The following USP32 variants were observed in gnomAD, a reference collection of about 807,000 sequenced individuals.
The protein encoded by USP32 is ubiquitin specific peptidase 32.
USP32 carries 59 observed loss-of-function variants against 204.8 expected under a neutral mutation model. The ratio of observed to expected loss-of-function variants is 0.29; its 90% CI spans 0.23 to 0.36. The LOEUF (loss-of-function observed/expected upper bound fraction) is 0.36. USP32 is among the 10% of genes least tolerant of loss of function. USP32 has a pLI of 1.00. For missense variants in USP32, 1,160 were observed against 1,946.4 expected (o/e 0.60, Z 7.60); for synonymous variants, 517 against 678.4 (o/e 0.76, Z 3.70).
chr17:60,352,754 C>T (rs1478644154), intron 1 of USP32, among the ~76,000 whole-genome samples: 1 of 152,122 alleles, frequency 6.6e-6, no homozygotes, highest in South Asian at 2.1e-4. Flanking sequence ...CAAAAGAACT[C>T]GAAGGCACAG....
At chr17:60,249,472 C>A in intron 11 of USP32, 1 of 442,888 alleles carries the variant, frequency 2.3e-6, no homozygotes, top group Non-Finnish European at 4.0e-6. Flanking sequence ...GCTGCTTCCC[C>A]TAACCAGTAT....
chr17:60,283,679 T>A (rs917338882), intron 5 of USP32, among the ~76,000 whole-genome samples: 1 of 152,078 alleles, frequency 6.6e-6, no homozygotes, highest in Non-Finnish European at 1.5e-5. Context: ...TGCCTTTTTT[T>A]TTTTTTAATA....
chr17:60,363,989 A>G (rs910036972), intron 1 of USP32, among the ~76,000 whole-genome samples: 3 of 152,164 alleles, frequency 2.0e-5, no homozygotes, highest in African/African-American at 7.2e-5. Flanking sequence ...CCCCCAAAAC[A>G]TGCTTAATCT....
In USP32 at chr17:60,345,473, A is replaced by C. The variant is rs2088763356; in HGVS notation, c.186+8T>G. ...ACCTCAAAGGAAAACTTAGAACAAA[A>C]AGATTACCTCAGCAACCTTTGGAGG... On this transcript the variant is annotated splice_region_variant and intron_variant, in intron 2 of 33. Coordinates refer to ENST00000300896, the MANE Select transcript of USP32 (RefSeq NM_032582.4). 1 of 1,612,788 alleles carries C rather than the reference A, an allele frequency of 6.2e-7. No individual in the cohort carries two copies. Among genetic ancestry groups the C allele is most frequent in the East Asian group, 2.2e-5 (1 of 44,878 alleles).
At chr17:60,238,736 A>T (rs570534230) in intron 11 of USP32, among the ~76,000 whole-genome samples, 9 of 151,270 alleles carry the variant, frequency 5.9e-5, no homozygotes, top group Non-Finnish European at 1.0e-4. Flanking sequence ...CCCAGGAGGC[A>T]GAGTTTGCAG....
chr17:60,226,384 ATC>A (rs1024997867), intron 12 of USP32, among the ~76,000 whole-genome samples, 153 bp from the exon 13 acceptor site: 3 of 152,208 alleles, frequency 2.0e-5, no homozygotes, highest in African/African-American at 7.2e-5. Flanking sequence ...CTATATTTTA[ATC>A]TCTTTCAGGA....
intron 1 of USP32, among the ~76,000 whole-genome samples, chr17:60,400,280 A>G (rs976382610): frequency 2.6e-5 from 4 of 152,170 alleles, no homozygotes; most frequent in Admixed American, 1.3e-4. Flanking sequence ...TCCATTTAAA[A>G]AAGATATCTC....
At chr17:60,275,051 G>A (rs934643938) in intron 5 of USP32, among the ~76,000 whole-genome samples, 2 of 152,126 alleles carry the variant, frequency 1.3e-5, no homozygotes, top group Non-Finnish European at 2.9e-5. Flanking sequence ...CCCTTGATTA[G>A]AACATAAGCT....
intron 30 of USP32, 50 bp downstream of exon 30, chr17:60,185,410 T>C (rs1387492955): frequency 2.7e-6 from 4 of 1,495,458 alleles, no homozygotes; most frequent in Non-Finnish European, 2.7e-6. Flanking sequence ...TCATGTCTTC[T>C]TTCTTTTATG....
chr17:60,353,185 G>A (rs997040353), intron 1 of USP32, among the ~76,000 whole-genome samples: 1 of 152,128 alleles, frequency 6.6e-6, no homozygotes, highest in Non-Finnish European at 1.5e-5. Flanking sequence ...CATAGAAGAA[G>A]AGACACCAAA....
chr17:60,309,003 T>C (rs1386468311), intron 2 of USP32, among the ~76,000 whole-genome samples: 4 of 152,120 alleles, frequency 2.6e-5, no homozygotes, highest in Non-Finnish European at 5.9e-5. Flanking sequence ...ACTGAAGACC[T>C]AAATCCAAAC....
At chr17:60,319,511 C>T (rs111297286) in intron 2 of USP32, among the ~76,000 whole-genome samples, 3,274 of 152,326 alleles carry the variant, frequency 0.021, 137 homozygotes, top group African/African-American at 0.075. Context: ...GGCACAGTAG[C>T]TCATGCCTGT....
intron 3 of USP32, among the ~76,000 whole-genome samples, chr17:60,300,130 C>A (rs1336943439): frequency 6.6e-6 from 1 of 152,124 alleles, no homozygotes; most frequent in Non-Finnish European, 1.5e-5. Context: ...AAAGACCCAG[C>A]ATATGGTGTT....
At chr17:60,315,157 G>A (rs574522906) in intron 2 of USP32, among the ~76,000 whole-genome samples, 1 of 152,300 alleles carries the variant, frequency 6.6e-6, no homozygotes, top group East Asian at 1.9e-4. Flanking sequence ...TAGCACTTTG[G>A]GAGGCCGAGG....
Position 60,383,247 on chromosome 17 carries a change from A to C in USP32, c.58+8635T>G, listed in dbSNP as rs549469640. 8.5e-5 allele frequency among the ~76,000 whole-genome samples: 13 copies of C among 152,206 alleles called. No individual in the cohort carries two copies. The South Asian group carries it at 2.7e-3, about 32-fold the overall frequency. The stretch of plus-strand genomic sequence containing the variant: ...ACAGACATCGTCCCAAAAAAAAAAA[A>C]AAAAAACTTTAAGCACAAACTTTTT... On this transcript the variant is annotated intron_variant, in intron 1 of 33. Coordinates refer to ENST00000300896, the MANE Select transcript of USP32 (RefSeq NM_032582.4).
chr17:60,292,793 A>G (rs1053611173), intron 4 of USP32, among the ~76,000 whole-genome samples: 1 of 151,740 alleles, frequency 6.6e-6, no homozygotes, highest in South Asian at 2.1e-4. Context: ...AAAAAAAAAA[A>G]GCCTCATATT....
chr17:60,317,627 C>A (rs2088014315), intron 2 of USP32, among the ~76,000 whole-genome samples: 1 of 151,982 alleles, frequency 6.6e-6, no homozygotes, highest in Non-Finnish European at 1.5e-5. Flanking sequence ...CCAGCCTGGG[C>A]AAAATAGCGA....
At chr17:60,189,384 C>T (rs2084323784) in intron 29 of USP32, among the ~76,000 whole-genome samples, 1 of 152,168 alleles carries the variant, frequency 6.6e-6, no homozygotes, top group African/African-American at 2.4e-5. Flanking sequence ...GTTACCGTTA[C>T]TAACTTATCC....
chr17:60,181,827 T>C, intron 31 of USP32, 79 bp from the exon 32 acceptor site: 1 of 1,544,096 alleles, frequency 6.5e-7, no homozygotes, highest in Non-Finnish European at 8.7e-7. Context: ...CCTCTGAGGT[T>C]AGCTTCACAA....
Sources: gnomAD v4.1 joint callset for allele counts (sites outside exome capture counted in the v4.1 genomes callset) on GRCh38, gnomAD v4.1.1 for gene constraint, MANE v1.5 for transcripts, NCBI Gene and HGNC (gene_info 2026-07-23, HGNC 2026-07-21) for gene names.